Variants in SMARCA4 observed in about 807,000 individuals in gnomAD.
SMARCA4 encodes the protein SWI/SNF related BAF chromatin remodeling complex subunit ATPase 4, also known as SWI/SNF-related matrix-associated actin-dependent regulator of chromatin subfamily A member 4.
In SMARCA4, 31 loss-of-function variants were observed where a neutral mutation model predicts 193.9. The ratio of observed to expected loss-of-function variants is 0.16; its 90% CI spans 0.12 to 0.22. The LOEUF (loss-of-function observed/expected upper bound fraction) is 0.22. Ranked by LOEUF, SMARCA4 falls within the 10% of genes least tolerant of loss-of-function variation. The probability of loss-of-function intolerance (pLI) is 1.00; values close to 1 mark genes in which losing one functional copy is unlikely to be tolerated. For synonymous variants in SMARCA4, 942 were observed against 933.1 expected (o/e 1.01, Z -0.17); for missense variants, 1,148 against 2,296.0 (o/e 0.50, Z 10.22).
At chr19:11,061,202 AAAATATATATATATATATATATATAT>A (rs1357484755) in intron 34 of SMARCA4, among the ~76,000 whole-genome samples, 14 of 61,466 alleles carry the variant, frequency 2.3e-4, no homozygotes, top group Admixed American at 8.3e-4. Flanking sequence ...AAAAAAAAAA[AAAATATATATATATATATATATATAT>A]ATATATATAT....
At position 11,061,801 on chromosome 19, in the gene SMARCA4, C is replaced by G. The variant is rs1555797474; in HGVS notation, c.4929C>G (p.Gly1643=). ...EEQEEDRSGS[G]SEED ...CTCTCCAGGACCGCTCAGGAAGTGGCAGCGAAGAAGACTGAGCCCCGACAT... is the reference window on the plus strand; with the variant it reads ...CTCTCCAGGACCGCTCAGGAAGTGGGAGCGAAGAAGACTGAGCCCCGACAT... The change falls in exon 35 of 35, where the codon GGC becomes GGG. Residue 1643 remains glycine, a synonymous_variant. Transcript: ENST00000344626. 1 of 1,613,946 alleles carries G rather than the reference C, an allele frequency of 6.2e-7. No individual in the cohort carries two copies. The highest frequency in any genetic ancestry group is 1.3e-5 in the African/African-American group (1 of 75,064).
At position 11,005,604 on chromosome 19, in the gene SMARCA4, G is replaced by A. The variant is rs1001461806; in HGVS notation, c.2001+2207G>A. Among the ~76,000 whole-genome samples, 6 of 152,124 alleles carry A rather than the reference G, an allele frequency of 3.9e-5. No individual in the cohort carries two copies. The South Asian group carries it at 8.3e-4, about 21-fold the overall frequency. On this transcript the variant is annotated intron_variant, in intron 13 of 34. Transcript: ENST00000344626. The stretch of plus-strand genomic sequence containing the variant: ...AGCCAGTGATACGCTTTTCCCTACC[G>A]TGGCTGATCTCACCTCCATTAGCAG...
chr19:10,962,549 G>C (rs2083893095), intron 1 of SMARCA4, among the ~76,000 whole-genome samples: 1 of 151,992 alleles, frequency 6.6e-6, no homozygotes, highest in Admixed American at 6.6e-5. Flanking sequence ...GTGTAGGATT[G>C]TATTTTGTTT....
At position 11,049,981 on chromosome 19, in the gene SMARCA4, A is replaced by G. The variant is rs553731080; in HGVS notation, c.4425-8274A>G. Among the ~76,000 whole-genome samples, 10 of 152,328 alleles carry G rather than the reference A, an allele frequency of 6.6e-5. No individual in the cohort carries two copies. In the South Asian group the frequency reaches 1.7e-3, roughly 25 times the overall value. On this transcript the variant is annotated intron_variant, in intron 30 of 34. Coordinates refer to ENST00000344626, the MANE Select transcript of SMARCA4 (RefSeq NM_003072.5). Reference sequence around the variant, plus strand: ...GCCAGGCATGGTGGCACTCGCCTGTAATCCCAGCTACTTGGGAGGCTGAGG... The same window carrying G: ...GCCAGGCATGGTGGCACTCGCCTGTGATCCCAGCTACTTGGGAGGCTGAGG...
Position 11,009,007 on chromosome 19 carries a change from C to CTTTTTTTTTTTTTTTTTTTTTTTTTTTTT in SMARCA4, c.2123+990_2123+1018dup, listed in dbSNP as rs762148337. Among the ~76,000 whole-genome samples the CTTTTTTTTTTTTTTTTTTTTTTTTTTTTT allele has an allele frequency of 1.5e-4, 6 of 40,948 alleles. 2 individuals carry two copies. The highest frequency in any genetic ancestry group is 3.1e-4 in the African/African-American group (3 of 9,672). The allele number at this position is 40,948 out of a possible 152,430, so 26.9% of individuals were successfully genotyped here. A position where few individuals can be genotyped will look rare whatever the true frequency, so the allele number is the denominator to read the frequency against. The stretch of plus-strand genomic sequence containing the variant: ...AAAAAATGTAGGTGGATAAAAGTCA[C>CTTTTTTTTTTTTTTTTTTTTTTTTTTTTT]TTTTTTTTTTTTTTTTTTTTTTTTT... On this transcript the variant is annotated intron_variant, in intron 14 of 34. Transcript: ENST00000344626.
chr19:11,044,802 C>T (rs997858523), intron 30 of SMARCA4, among the ~76,000 whole-genome samples: 3 of 152,288 alleles, frequency 2.0e-5, no homozygotes, highest in Admixed American at 6.5e-5. Context: ...CTGCAGCCCT[C>T]GTTCTACCCA....
chr19:11,018,105 C>T (rs1049325719), intron 16 of SMARCA4, among the ~76,000 whole-genome samples: 2 of 152,212 alleles, frequency 1.3e-5, no homozygotes, highest in African/African-American at 4.8e-5. Flanking sequence ...TCATGGTGGA[C>T]ACAGCACCTC....
intron 16 of SMARCA4, among the ~76,000 whole-genome samples, chr19:11,016,291 C>T (rs955479118): frequency 2.0e-5 from 3 of 152,194 alleles, no homozygotes; most frequent in Non-Finnish European, 4.4e-5. Context: ...AGGGAGGCCC[C>T]CATGACACAG....
At chr19:11,017,126 G>A (rs532160238) in intron 16 of SMARCA4, among the ~76,000 whole-genome samples, 63 of 152,338 alleles carry the variant, frequency 4.1e-4, no homozygotes, top group African/African-American at 1.5e-3. Flanking sequence ...AGCTGAACGT[G>A]AGTTCATACC....
At chr19:11,007,208 GA>G (rs1279065773) in intron 13 of SMARCA4, among the ~76,000 whole-genome samples, 1 of 151,874 alleles carries the variant, frequency 6.6e-6, no homozygotes, top group African/African-American at 2.4e-5. Flanking sequence ...AAGGCAGGCG[GA>G]TCACGAGGTC....
chr19:11,001,409 T>C (rs890241656), intron 11 of SMARCA4, among the ~76,000 whole-genome samples: 1 of 152,098 alleles, frequency 6.6e-6, no homozygotes, highest in African/African-American at 2.4e-5. Flanking sequence ...TTTGAGGCTG[T>C]GATCACACCT....
chr19:10,991,590 C>T (rs1367051675), intron 8 of SMARCA4, among the ~76,000 whole-genome samples: 2 of 152,164 alleles, frequency 1.3e-5, no homozygotes, highest in East Asian at 1.9e-4. Flanking sequence ...GAGGAAGGAA[C>T]GGGCTGTTGT....
intron 30 of SMARCA4, among the ~76,000 whole-genome samples, chr19:11,048,052 C>T (rs557668260): frequency 1.3e-5 from 2 of 152,312 alleles, no homozygotes; most frequent in South Asian, 4.2e-4. Flanking sequence ...CCACCGACTG[C>T]ATGGCAGGTG....
chr19:11,012,609 C>A (rs73923299), intron 15 of SMARCA4: 42 of 376,492 alleles, frequency 1.1e-4, no homozygotes, highest in African/African-American at 6.9e-4. Flanking sequence ...GCAAGTGTCC[C>A]GTGGTGTGGG....
At chr19:10,993,867 G>A (rs528571589) in intron 8 of SMARCA4, among the ~76,000 whole-genome samples, 46 of 151,762 alleles carry the variant, frequency 3.0e-4, no homozygotes, top group Non-Finnish European at 6.0e-4. Context: ...GGATGGTATC[G>A]ATCTGACCTT....
chr19:11,046,691 C>G (rs768657661), intron 30 of SMARCA4, among the ~76,000 whole-genome samples: 1 of 152,136 alleles, frequency 6.6e-6, no homozygotes, highest in Non-Finnish European at 1.5e-5. Context: ...GTAGTGGTCA[C>G]GCCTGTAATC....
intron 8 of SMARCA4, 55 bp from the exon 9 acceptor site, chr19:10,994,773 G>C (rs774165218): frequency 1.2e-4 from 182 of 1,498,342 alleles, no homozygotes; most frequent in Middle Eastern, 1.2e-3. Context: ...CTTGCGGGGA[G>C]ATGTGTCCAC....
At chr19:10,982,996 C>T in intron 1 of SMARCA4, among the ~76,000 whole-genome samples, 1 of 152,096 alleles carries the variant, frequency 6.6e-6, no homozygotes, top group Middle Eastern at 3.2e-3. Context: ...GTGTCAGAGC[C>T]AGGAAATGCA....
intron 16 of SMARCA4, 28 bp downstream of exon 16, chr19:11,013,140 A>G (rs372460959): frequency 1.4e-4 from 226 of 1,612,136 alleles, no homozygotes; most frequent in Middle Eastern, 1.3e-3. Flanking sequence ...GCAACATCCC[A>G]CACGCCGCTC....
Sources: allele counts gnomAD v4.1 joint callset (sites outside exome capture counted in the v4.1 genomes callset), GRCh38; gene constraint gnomAD v4.1.1; transcripts MANE v1.5; gene names NCBI Gene and HGNC (gene_info 2026-07-23, HGNC 2026-07-21).